Variants in RNFT2 observed in about 807,000 individuals in gnomAD.
RNFT2 encodes the protein ring finger protein, transmembrane 2.
In RNFT2, 36 loss-of-function variants were observed where a neutral mutation model predicts 53.0. The observed-to-expected ratio is 0.68, with a 90% CI of 0.52 to 0.90. The LOEUF (loss-of-function observed/expected upper bound fraction) is 0.90. RNFT2 is among the 40% of genes least tolerant of loss of function. The pLI is 0.00. For synonymous variants in RNFT2, 260 were observed against 253.2 expected (o/e 1.03, Z -0.26); for missense variants, 514 against 585.6 (o/e 0.88, Z 1.26).
At chr12:116,812,596 G>A (rs147487831) in intron 7 of RNFT2, among the ~76,000 whole-genome samples, 3,047 of 149,554 alleles carry the variant, frequency 0.02, 104 homozygotes, top group African/African-American at 0.071. Flanking sequence ...GTTCAGTGGC[G>A]CGATCTCAGC....
intron 7 of RNFT2, among the ~76,000 whole-genome samples, chr12:116,819,349 G>T (rs1312712642): frequency 6.6e-6 from 1 of 152,138 alleles, no homozygotes; most frequent in Non-Finnish European, 1.5e-5. Context: ...TGGTACCGGC[G>T]CGGGACGCCC....
At chr12:116,795,134 G>C (rs189383667) in intron 7 of RNFT2, among the ~76,000 whole-genome samples, 22 of 151,186 alleles carry the variant, frequency 1.5e-4, no homozygotes, top group African/African-American at 4.9e-4. Flanking sequence ...GGCCGGGCCC[G>C]GTGGCTCATG....
intron 5 of RNFT2, among the ~76,000 whole-genome samples, chr12:116,759,133 A>G (rs959410532): frequency 1.1e-4 from 16 of 152,010 alleles, no homozygotes; most frequent in African/African-American, 2.9e-4. Flanking sequence ...TCTTTCTTCT[A>G]CTTGTTCAAT....
At chr12:116,760,832 A>G (rs939040832) in intron 5 of RNFT2, among the ~76,000 whole-genome samples, 1 of 152,250 alleles carries the variant, frequency 6.6e-6, no homozygotes, top group South Asian at 2.1e-4. Flanking sequence ...TGGAGCTGCA[A>G]TCTAGTCCTG....
At chr12:116,760,385 T>C (rs1872651137) in intron 5 of RNFT2, among the ~76,000 whole-genome samples, 1 of 152,214 alleles carries the variant, frequency 6.6e-6, no homozygotes, top group Non-Finnish European at 1.5e-5. Context: ...CCTGTTCAAA[T>C]TGTTACACAG....
Position 116,852,632 on chromosome 12 carries a change from A to C in RNFT2, c.*3184A>C, listed in dbSNP as rs1405941254. 1 of 1,614,012 alleles carries C rather than the reference A, an allele frequency of 6.2e-7. No individual in the cohort carries two copies. On this transcript the variant is annotated 3_prime_UTR_variant, in exon 11 of 11. Transcript: ENST00000257575. ...CTTCTGCAACTGGTTTTTATCGGAA[A>C]GATCATCCTGCCTGCAGATGCTGTT...
intron 7 of RNFT2, among the ~76,000 whole-genome samples, chr12:116,798,152 T>C (rs781708193): frequency 2.0e-5 from 3 of 150,170 alleles, no homozygotes; most frequent in Non-Finnish European, 4.4e-5. Context: ...AAAGATCACG[T>C]GAGGACACAG....
intron 7 of RNFT2, among the ~76,000 whole-genome samples, chr12:116,802,818 G>C (rs897554283): frequency 7.2e-5 from 11 of 152,226 alleles, no homozygotes; most frequent in African/African-American, 1.2e-4. Flanking sequence ...AGGTGGGCCT[G>C]GCGCAGTGGC....
chr12:116,759,408 G>A (rs776596783), intron 5 of RNFT2, among the ~76,000 whole-genome samples: 1 of 152,178 alleles, frequency 6.6e-6, no homozygotes, highest in Non-Finnish European at 1.5e-5. Flanking sequence ...GTGAACTAGT[G>A]TGATTTTGGG....
chr12:116,801,722 C>A (rs927435639), intron 7 of RNFT2, among the ~76,000 whole-genome samples: 1 of 152,204 alleles, frequency 6.6e-6, no homozygotes, highest in Non-Finnish European at 1.5e-5. Context: ...GAACAGAATA[C>A]CGTTTTTCAA....
In RNFT2 at chr12:116,839,859, A is replaced by G. The variant is rs548528214; in HGVS notation, c.1200+3577A>G. On this transcript the variant is annotated intron_variant, in intron 10 of 10. Coordinates refer to ENST00000257575, the MANE Select transcript of RNFT2 (RefSeq NM_001382266.1). ...CCTTTAAGCTCAATATGTCACTCCC[A>G]CTCCACCCACTACCCCCTGAGCTAG... Among the ~76,000 whole-genome samples, 19 of 152,142 alleles carry G rather than the reference A, an allele frequency of 1.2e-4. No individual in the cohort carries two copies. The East Asian group carries it at 3.5e-3, about 28-fold the overall frequency.
At chr12:116,806,397 T>TATATAGATAGATAG (rs1166246066) in intron 7 of RNFT2, among the ~76,000 whole-genome samples, 14 of 131,664 alleles carry the variant, frequency 1.1e-4, no homozygotes, top group East Asian at 6.6e-4. Flanking sequence ...TATATATATA[T>TATATAGATAGATAG]ATAGATAGAT....
At chr12:116,801,799 G>T (rs372165868) in intron 7 of RNFT2, among the ~76,000 whole-genome samples, 56 of 143,042 alleles carry the variant, frequency 3.9e-4, no homozygotes, top group South Asian at 6.6e-4. Flanking sequence ...TTTCTGTGGG[G>T]TTTTTTTTGT....
At position 116,815,979 on chromosome 12, in the gene RNFT2, C is replaced by T. The variant is rs1330904535; in HGVS notation, c.883-17813C>T. Among the ~76,000 whole-genome samples the T allele has an allele frequency of 2.6e-5, 4 of 152,252 alleles. No homozygotes were observed. In the South Asian group the frequency reaches 6.2e-4, roughly 24 times the overall value. Reference sequence around the variant, plus strand: ...TGCCTGTCTCCCTCCTTCCCTTGCACCTCTCCCTCCACTCCCTAGTGTTTT... The same window carrying T: ...TGCCTGTCTCCCTCCTTCCCTTGCATCTCTCCCTCCACTCCCTAGTGTTTT... On this transcript the variant is annotated intron_variant, in intron 7 of 10. Transcript: ENST00000257575.
chr12:116,763,624 A>AG (rs1344054777), intron 5 of RNFT2, among the ~76,000 whole-genome samples: 1 of 150,224 alleles, frequency 6.7e-6, no homozygotes, highest in Non-Finnish European at 1.5e-5. Context: ...AATAACAAAA[A>AG]AAAAATTAGC....
At chr12:116,836,982 A>G (rs1220863973) in intron 10 of RNFT2, among the ~76,000 whole-genome samples, 2 of 152,220 alleles carry the variant, frequency 1.3e-5, no homozygotes, top group Non-Finnish European at 2.9e-5. Flanking sequence ...GGCTATTATT[A>G]TGATTAAAGT....
Position 116,806,367 on chromosome 12 carries a change from CAAAA to C in RNFT2, c.882+27031_882+27034del, listed in dbSNP as rs139305837. On this transcript the variant is annotated intron_variant, in intron 7 of 10. Transcript: ENST00000257575. ...CCTGGGTAACAGAGTGAGACTGTCT[CAAAA>C]AAAAAAAAAAATATATATATATATA... is the stretch of plus-strand genomic sequence containing the variant. Among the ~76,000 whole-genome samples, 489 of 113,942 alleles carry C rather than the reference CAAAA, an allele frequency of 4.3e-3. 2 individuals carry two copies. Among genetic ancestry groups the C allele is most frequent in the South Asian group, 0.01 (33 of 3,246 alleles). The allele number at this position is 113,942 out of a possible 152,430, so 74.8% of individuals were successfully genotyped here.
rs1223204533 is a variant in RNFT2 at position 116,740,631 on chromosome 12, A to G, written c.24+110A>G. On this transcript the variant is annotated intron_variant, in intron 2 of 10. Transcript: ENST00000257575. ...CACCCCTCCCATGTAACACATGGGG[A>G]ATCTGAACCCACAGAGGGGTTACTG... 8 of 977,166 alleles carry G rather than the reference A, an allele frequency of 8.2e-6. No homozygotes were observed. The Middle Eastern group carries it at 1.0e-3, about 126-fold the overall frequency. 60.5% of individuals were successfully genotyped at this position (977,166 alleles called of 1,614,324 possible). A position where few individuals can be genotyped will look rare whatever the true frequency, so the allele number is the denominator to read the frequency against.
intron 10 of RNFT2, among the ~76,000 whole-genome samples, chr12:116,846,711 T>C (rs1201304780): frequency 6.6e-6 from 1 of 152,104 alleles, no homozygotes; most frequent in Admixed American, 6.6e-5. Context: ...ACTCTTCTAT[T>C]CTTCATCCAG....
Sources: allele counts gnomAD v4.1 joint callset (sites outside exome capture counted in the v4.1 genomes callset), GRCh38; gene constraint gnomAD v4.1.1; transcripts MANE v1.5; gene names NCBI Gene and HGNC (gene_info 2026-07-23, HGNC 2026-07-21).